The following DSCAM variants were observed in gnomAD, a reference collection of about 807,000 sequenced individuals.
DSCAM encodes the protein DS cell adhesion molecule, also known as cell adhesion molecule DSCAM.
Under a neutral mutation model 217.7 loss-of-function variants are expected in DSCAM, and 47 were observed. The observed-to-expected ratio is 0.22, with a 90% CI of 0.17 to 0.28. The LOEUF is 0.28. Ranked by LOEUF, DSCAM falls within the 10% of genes least tolerant of loss-of-function variation. The pLI is 1.00. For synonymous variants in DSCAM, 1,056 were observed against 1,015.3 expected, an observed-to-expected ratio of 1.04 and a Z score of -0.76; for missense variants, 2,080 against 2,618.3, an observed-to-expected ratio of 0.79 and a Z score of 4.49.
At chr21:40,084,501 A>C (rs1167287983) in intron 23 of DSCAM, among the ~76,000 whole-genome samples, 2 of 137,688 alleles carry the variant, frequency 1.5e-5, no homozygotes, top group East Asian at 2.3e-4. Flanking sequence ...TCCAAGATGC[A>C]ACACACACAC....
chr21:40,061,477 G>C (rs975766336), intron 28 of DSCAM, among the ~76,000 whole-genome samples: 13 of 150,688 alleles, frequency 8.6e-5, no homozygotes, highest in Non-Finnish European at 1.8e-4. Context: ...GCTGAGGCAG[G>C]AAAATCGCTT....
intron 3 of DSCAM, among the ~76,000 whole-genome samples, chr21:40,653,467 A>G (rs1041119691): frequency 6.6e-6 from 1 of 152,130 alleles, no homozygotes; most frequent in Non-Finnish European, 1.5e-5. Context: ...GAGGCTTTAT[A>G]TTAATAGTTA....
chr21:40,533,443 T>G (rs2076465173), intron 3 of DSCAM, among the ~76,000 whole-genome samples: 1 of 152,086 alleles, frequency 6.6e-6, no homozygotes, highest in Non-Finnish European at 1.5e-5. Flanking sequence ...TCCAAACATC[T>G]ATCCATCCAT....
chr21:40,239,344 C>T (rs2073118009), intron 11 of DSCAM, among the ~76,000 whole-genome samples: 1 of 151,938 alleles, frequency 6.6e-6, no homozygotes, highest in African/African-American at 2.4e-5. Flanking sequence ...CCTATAACAA[C>T]ATTGCTTTAG....
intron 11 of DSCAM, among the ~76,000 whole-genome samples, chr21:40,238,282 C>T (rs921037491): frequency 2.0e-4 from 30 of 152,302 alleles, no homozygotes; most frequent in Middle Eastern, 3.4e-3. Context: ...CCAGTGAAAA[C>T]GACCCTTGGA....
intron 3 of DSCAM, among the ~76,000 whole-genome samples, chr21:40,640,511 C>T (rs73218215): frequency 0.017 from 2,588 of 152,252 alleles, 92 homozygotes; most frequent in East Asian, 0.17. Context: ...GAAATTTTAA[C>T]TAAAAATGTT....
chr21:40,746,963 A>G (rs2091181051), intron 1 of DSCAM, among the ~76,000 whole-genome samples: 1 of 151,966 alleles, frequency 6.6e-6, no homozygotes, highest in Admixed American at 6.6e-5. Flanking sequence ...CTCCTGAGCA[A>G]CAGAGGAGTT....
intron 6 of DSCAM, among the ~76,000 whole-genome samples, chr21:40,345,825 G>GA (rs901193346): frequency 5.8e-4 from 87 of 149,200 alleles, no homozygotes; most frequent in Non-Finnish European, 8.1e-4. Flanking sequence ...TCAGAAGAGA[G>GA]AAAAAAAAAA....
At chr21:40,332,281 C>G (rs961047032) in intron 8 of DSCAM, among the ~76,000 whole-genome samples, 5 of 152,138 alleles carry the variant, frequency 3.3e-5, no homozygotes, top group African/African-American at 9.7e-5. Context: ...CGCTGCAATA[C>G]GAATTATTCT....
At chr21:40,135,578 G>A (rs376430953) in intron 18 of DSCAM, among the ~76,000 whole-genome samples, 11 of 152,206 alleles carry the variant, frequency 7.2e-5, no homozygotes, top group East Asian at 1.9e-4. Flanking sequence ...ACGAGCCGTC[G>A]TGTCGGCCAG....
At chr21:40,489,032 C>T (rs1293041019) in intron 3 of DSCAM, among the ~76,000 whole-genome samples, 2 of 152,176 alleles carry the variant, frequency 1.3e-5, no homozygotes, top group Non-Finnish European at 2.9e-5. Context: ...AAAACCACAA[C>T]ACAAAAGTAA....
rs189257016 is a variant in DSCAM at position 40,602,761 on chromosome 21, C to T, written c.508+90049G>A. Among the ~76,000 whole-genome samples, 691 of 152,120 alleles carry T rather than the reference C, an allele frequency of 4.5e-3. 2 individuals are homozygous for T. Among genetic ancestry groups the T allele is most frequent in the Non-Finnish European group, 7.1e-3 (485 of 68,006 alleles). ...GTTAGAGGTTTACCAATTTTATTGACATTTTTAAAGAACCAGATTTTAGTT... is the reference window on the plus strand; with the variant it reads ...GTTAGAGGTTTACCAATTTTATTGATATTTTTAAAGAACCAGATTTTAGTT... On this transcript the variant is annotated intron_variant, in intron 3 of 32. Transcript: ENST00000400454.
At chr21:40,050,237 C>G (rs561832122) in intron 30 of DSCAM, among the ~76,000 whole-genome samples, 3 of 152,280 alleles carry the variant, frequency 2.0e-5, no homozygotes, top group African/African-American at 2.4e-5. Context: ...AGGTGGAGAA[C>G]GAGACCCAGG....
At position 40,580,206 on chromosome 21, in the gene DSCAM, C is replaced by T. The variant is rs528010072; in HGVS notation, c.508+112604G>A. Among the ~76,000 whole-genome samples the T allele has an allele frequency of 1.1e-4, 17 of 151,770 alleles. No homozygotes were observed. The East Asian group carries it at 3.3e-3, about 30-fold the overall frequency. On this transcript the variant is annotated intron_variant, in intron 3 of 32. Coordinates refer to ENST00000400454, the MANE Select transcript of DSCAM (RefSeq NM_001389.5). ...AAGCCATTCTCCTGCCTCAGCCTCT[C>T]GAGTAGCTGGGACTACATTAAATTA...
At chr21:40,355,146 G>A (rs187373426) in intron 4 of DSCAM, among the ~76,000 whole-genome samples, 18 of 152,250 alleles carry the variant, frequency 1.2e-4, no homozygotes, top group Non-Finnish European at 2.5e-4. Flanking sequence ...TTTGTAATAA[G>A]TGTAGTTAAA....
intron 32 of DSCAM, among the ~76,000 whole-genome samples, chr21:40,038,763 A>C (rs2088681694): frequency 6.8e-6 from 1 of 148,074 alleles, no homozygotes; most frequent in Non-Finnish European, 1.5e-5. Flanking sequence ...ACTTGGAACC[A>C]ACCCAAATGT....
intron 3 of DSCAM, among the ~76,000 whole-genome samples, chr21:40,633,848 C>A (rs2089722772): frequency 6.6e-6 from 1 of 152,128 alleles, no homozygotes; most frequent in Non-Finnish European, 1.5e-5. Context: ...ACAGAAAACA[C>A]AAGGTTGTCT....
At chr21:40,582,002 T>C (rs1311681636) in intron 3 of DSCAM, among the ~76,000 whole-genome samples, 1 of 152,214 alleles carries the variant, frequency 6.6e-6, no homozygotes, top group Non-Finnish European at 1.5e-5. Flanking sequence ...CTAGGGAGAT[T>C]AGCAAATACT....
intron 7 of DSCAM, among the ~76,000 whole-genome samples, chr21:40,338,883 ACAT>A (rs2074457087): frequency 6.6e-6 from 1 of 152,198 alleles, no homozygotes. Context: ...AGGAAAGGAA[ACAT>A]CAGGTGAACA....
Sources: gnomAD v4.1 joint callset for allele counts (sites outside exome capture counted in the v4.1 genomes callset) on GRCh38, gnomAD v4.1.1 for gene constraint, MANE v1.5 for transcripts, NCBI Gene and HGNC (gene_info 2026-07-23, HGNC 2026-07-21) for gene names.